The following OR1L8 variants were observed in gnomAD, a reference collection of about 807,000 sequenced individuals.
OR1L8 encodes the protein olfactory receptor family 1 subfamily L member 8, also known as olfactory receptor 1L8.
For synonymous variants in OR1L8, 148 were observed against 147.0 expected, an observed-to-expected ratio of 1.01 and a Z score of -0.05; for missense variants, 330 against 377.4, an observed-to-expected ratio of 0.87 and a Z score of 1.04.
At chr9:122,577,771 AG>A (rs1366520846) in intron 2 of OR1L8, among the ~76,000 whole-genome samples, 3 of 152,214 alleles carry the variant, frequency 2.0e-5, no homozygotes, top group African/African-American at 7.2e-5. Flanking sequence ...CAAAGGAAAC[AG>A]TTGAAAGTGG....
At chr9:122,578,782 A>G (rs1303316614) in intron 1 of OR1L8, among the ~76,000 whole-genome samples, 3 of 152,156 alleles carry the variant, frequency 2.0e-5, no homozygotes, top group Non-Finnish European at 2.9e-5. Context: ...TAAGAATGAT[A>G]CAATGAACTT....
intron 1 of OR1L8, among the ~76,000 whole-genome samples, chr9:122,581,917 A>C (rs113793585): frequency 1.4e-4 from 21 of 152,266 alleles, no homozygotes; most frequent in African/African-American, 4.6e-4. Context: ...ATCTCAAAAT[A>C]AATAAATAAA....
At chr9:122,564,893 G>A (rs533697916), downstream of OR1L8, among the ~76,000 whole-genome samples, 10 of 152,218 alleles carry the variant, frequency 6.6e-5, no homozygotes, top group East Asian at 1.2e-3. Flanking sequence ...CAGAATTCTC[G>A]ACCACTTGTC....
At chr9:122,555,399 C>A in the OR1L8 span, among the ~76,000 whole-genome samples, 1 of 152,112 alleles carries the variant, frequency 6.6e-6, no homozygotes, top group Non-Finnish European at 1.5e-5. Flanking sequence ...CAGACAAGAC[C>A]ATCTTAGCCT....
At chr9:122,553,553 C>T in the OR1L8 span, 1 of 1,614,132 alleles carries the variant, frequency 6.2e-7, no homozygotes, top group Non-Finnish European at 8.5e-7. Context: ...GTGGCCTTGA[C>T]AACTGCCTGC....
chr9:122,565,310 A>G (rs1012214134), downstream of OR1L8, among the ~76,000 whole-genome samples: 31 of 152,258 alleles, frequency 2.0e-4, no homozygotes, highest in Non-Finnish European at 8.8e-5. Flanking sequence ...TGTCCCATGT[A>G]AATACTCACC....
chr9:122,562,459 A>G (rs10818718), downstream of OR1L8, among the ~76,000 whole-genome samples: 46,873 of 152,068 alleles, frequency 0.31, 8,085 homozygotes, highest in East Asian at 0.81. Flanking sequence ...AGGGGCTCTC[A>G]AGTGGGATCT....
the OR1L8 span, among the ~76,000 whole-genome samples, chr9:122,549,694 G>A: frequency 6.6e-6 from 1 of 151,970 alleles, no homozygotes; most frequent in Non-Finnish European, 1.5e-5. Context: ...TTATTTCCAG[G>A]TTCTCTATTC....
chr9:122,567,058 G>A (rs946435075), downstream of OR1L8: 1 of 152,052 alleles, frequency 6.6e-6, no homozygotes, highest in Non-Finnish European at 1.5e-5. Context: ...TTTTTAGAAG[G>A]AGAAAAATAA....
intron 3 of OR1L8, among the ~76,000 whole-genome samples, chr9:122,573,450 A>G (rs1284836573): frequency 6.6e-6 from 1 of 152,242 alleles, no homozygotes; most frequent in Non-Finnish European, 1.5e-5. Flanking sequence ...TAATGGGTAT[A>G]CAGTGGTATG....
At chr9:122,551,679 A>G in the OR1L8 span, among the ~76,000 whole-genome samples, 1 of 152,080 alleles carries the variant, frequency 6.6e-6, no homozygotes, top group African/African-American at 2.4e-5. Flanking sequence ...CCCCTGGGAA[A>G]GAGAGGTCCT....
downstream of OR1L8, among the ~76,000 whole-genome samples, chr9:122,562,537 C>T (rs1397142351): frequency 6.6e-6 from 1 of 152,176 alleles, no homozygotes; most frequent in Non-Finnish European, 1.5e-5. Flanking sequence ...CACGCTCACT[C>T]ACCACCTCCC....
chr9:122,581,420 A>G (rs1362730717), intron 1 of OR1L8, among the ~76,000 whole-genome samples: 1 of 152,128 alleles, frequency 6.6e-6, no homozygotes, highest in African/African-American at 2.4e-5. Context: ...AGTCAAAGCA[A>G]TTACAGTTAG....
At chr9:122,547,963 T>C in the OR1L8 span, among the ~76,000 whole-genome samples, 1 of 152,198 alleles carries the variant, frequency 6.6e-6, no homozygotes, top group East Asian at 1.9e-4. Flanking sequence ...TATTATTTTT[T>C]GACTTTTACA....
chr9:122,561,449 G>A, the OR1L8 span, among the ~76,000 whole-genome samples: 5 of 152,056 alleles, frequency 3.3e-5, no homozygotes, highest in South Asian at 2.1e-4. Flanking sequence ...GCGTTTTTTC[G>A]TTGATTCTTT....
At chr9:122,577,064 G>C (rs1412791525) in intron 2 of OR1L8, among the ~76,000 whole-genome samples, 163 bp from the exon 3 acceptor site, 2 of 152,160 alleles carry the variant, frequency 1.3e-5, no homozygotes, top group African/African-American at 2.4e-5. Context: ...GGCAGGAAAA[G>C]GAGATACTTT....
At chr9:122,558,622 A>G in the OR1L8 span, among the ~76,000 whole-genome samples, 1 of 151,708 alleles carries the variant, frequency 6.6e-6, no homozygotes, top group South Asian at 2.1e-4. Flanking sequence ...TAGTTTTCCC[A>G]TTGGGAAGGT....
At chr9:122,557,456 A>G in the OR1L8 span, among the ~76,000 whole-genome samples, 1 of 151,968 alleles carries the variant, frequency 6.6e-6, no homozygotes, top group African/African-American at 2.4e-5. Context: ...TTCTGCATCT[A>G]TTTATATTAT....
At chr9:122,550,176 T>A in the OR1L8 span, among the ~76,000 whole-genome samples, 1 of 152,050 alleles carries the variant, frequency 6.6e-6, no homozygotes. Flanking sequence ...ATTCTTGAAA[T>A]ATAAAATCTC....
Sources: gnomAD v4.1 joint callset for allele counts (sites outside exome capture counted in the v4.1 genomes callset) on GRCh38, gnomAD v4.1.1 for gene constraint, MANE v1.5 for transcripts, NCBI Gene and HGNC (gene_info 2026-07-23, HGNC 2026-07-21) for gene names.